The following CNKSR2 variants were observed in gnomAD, a reference collection of about 807,000 sequenced individuals.
The protein encoded by CNKSR2 is connector enhancer of kinase suppressor of Ras 2.
A neutral mutation model predicts 84.4 loss-of-function variants in CNKSR2; 14 were observed. The observed-to-expected ratio is 0.17, with a 90% confidence interval of 0.11 to 0.26. The LOEUF is 0.26. CNKSR2 is among the 10% of genes least tolerant of loss of function. The pLI, the probability that CNKSR2 is intolerant of heterozygous loss-of-function variation, is 1.00. For synonymous variants in CNKSR2, 275 were observed against 277.9 expected (o/e 0.99, Z 0.10); for missense variants, 485 against 771.2 (o/e 0.63, Z 4.40).
chrX:21,408,132 A>G (rs1321951181), intron 1 of CNKSR2, among the ~76,000 whole-genome samples: 1 of 111,941 alleles, frequency 8.9e-6, no homozygotes, highest in Non-Finnish European at 1.9e-5. Flanking sequence ...CATATACATT[A>G]ATTTAGAAAT....
chrX:21,444,495 T>G (rs977956134), intron 4 of CNKSR2, among the ~76,000 whole-genome samples: 1 of 111,278 alleles, frequency 9.0e-6, no homozygotes, highest in African/African-American at 3.3e-5. Context: ...CTGATATTAT[T>G]TTTCTTTTTC....
At position 21,622,525 on chromosome X, in the gene CNKSR2, T is replaced by G. The variant is rs765056980; in HGVS notation, c.2692+12908T>G. Reference sequence around the variant, plus strand: ...ACTTTCCATTTGTCTTTGTAAAGTTTTAAAATCATATCTTTAATAATCTAA... The same window carrying G: ...ACTTTCCATTTGTCTTTGTAAAGTTGTAAAATCATATCTTTAATAATCTAA... On this transcript the variant is annotated intron_variant, in intron 20 of 21. Transcript: ENST00000379510. Among the ~76,000 whole-genome samples the G allele has an allele frequency of 1.6e-4, 18 of 111,772 alleles. No homozygotes were observed. The East Asian group carries it at 4.8e-3, about 30-fold the overall frequency.
chrX:21,485,204 T>C lies in CNKSR2; in HGVS notation c.562-5255T>C, dbSNP rs751139822. Among the ~76,000 whole-genome samples, 6 of 111,230 alleles carry C rather than the reference T, an allele frequency of 5.4e-5. No individual in the cohort carries two copies. In the South Asian group the frequency reaches 2.3e-3, roughly 42 times the overall value. On this transcript the variant is annotated intron_variant, in intron 5 of 21. Coordinates refer to ENST00000379510, the MANE Select transcript of CNKSR2 (RefSeq NM_014927.5). Reference sequence around the variant, plus strand: ...TCTCAAAAAATAATAATAATAACAATAGTAGCTAAAACTTCATGTATTAAT... The same window carrying C: ...TCTCAAAAAATAATAATAATAACAACAGTAGCTAAAACTTCATGTATTAAT...
At chrX:21,449,729 C>T (rs2090902771) in intron 4 of CNKSR2, among the ~76,000 whole-genome samples, 1 of 111,690 alleles carries the variant, frequency 9.0e-6, no homozygotes, top group Non-Finnish European at 1.9e-5. Context: ...GTAGTCTCTT[C>T]TAGAAAATTG....
intron 17 of CNKSR2, among the ~76,000 whole-genome samples, chrX:21,598,552 G>A (rs2092463039): frequency 9.0e-6 from 1 of 111,568 alleles, no homozygotes; most frequent in African/African-American, 3.3e-5. Context: ...ACTGAATTTA[G>A]ACCTGCTATT....
chrX:21,426,194 C>A lies in CNKSR2; in HGVS notation c.65-303C>A, dbSNP rs777045238. ...ATAAATTTGAAAATAGGGGAACCTG[C>A]CTGTTGGCATACTTTATGAAATAGT... On this transcript the variant is annotated intron_variant, in intron 1 of 21. Coordinates refer to ENST00000379510, the MANE Select transcript of CNKSR2 (RefSeq NM_014927.5). The A allele has an allele frequency of 4.0e-5, 9 of 223,397 alleles. No homozygotes were observed. In the South Asian group the frequency reaches 1.4e-3, roughly 35 times the overall value. The allele number at this position is 223,397 out of a possible 1,213,427, so 18.4% of individuals were successfully genotyped here.
At chrX:21,640,664 C>T (rs1602066893) in intron 20 of CNKSR2, among the ~76,000 whole-genome samples, 1 of 111,667 alleles carries the variant, frequency 9.0e-6, no homozygotes, top group Admixed American at 9.6e-5. Context: ...CTCAATATGA[C>T]TCAAAAGATA....
chrX:21,512,924 T>G, intron 8 of CNKSR2, among the ~76,000 whole-genome samples: 1 of 112,308 alleles, frequency 8.9e-6, no homozygotes, highest in Non-Finnish European at 1.9e-5. Context: ...CTTACTATTT[T>G]TGTAATCTTG....
Position 21,403,102 on chromosome X carries a change from A to G in CNKSR2, c.65-23395A>G, listed in dbSNP as rs1275157545. On this transcript the variant is annotated intron_variant, in intron 1 of 21. Coordinates refer to ENST00000379510, the MANE Select transcript of CNKSR2 (RefSeq NM_014927.5). ...TAAAAATTGAAGCCACAAAAGTACT[A>G]AAAAACCCAAGATTTTTACATTGGT... Among the ~76,000 whole-genome samples, 5 of 111,205 alleles carry G rather than the reference A, an allele frequency of 4.5e-5. No homozygotes were observed. The East Asian group carries it at 1.1e-3, about 25-fold the overall frequency.
intron 20 of CNKSR2, among the ~76,000 whole-genome samples, chrX:21,635,454 A>G (rs2092667439): frequency 9.6e-6 from 1 of 104,051 alleles, no homozygotes; most frequent in South Asian, 4.0e-4. Flanking sequence ...ATATACACCT[A>G]TATATATGTA....
chrX:21,501,180 G>T (rs2091555420), intron 7 of CNKSR2, among the ~76,000 whole-genome samples: 1 of 110,704 alleles, frequency 9.0e-6, no homozygotes, highest in Non-Finnish European at 1.9e-5. Flanking sequence ...GTTTACAAAG[G>T]TTAATACCAA....
At chrX:21,414,041 A>T (rs2090382293) in intron 1 of CNKSR2, among the ~76,000 whole-genome samples, 1 of 111,475 alleles carries the variant, frequency 9.0e-6, no homozygotes, top group African/African-American at 3.3e-5. Flanking sequence ...CCCAGTGCAG[A>T]TATCTTACTG....
At chrX:21,395,597 G>A (rs1485877137) in intron 1 of CNKSR2, among the ~76,000 whole-genome samples, 1 of 110,341 alleles carries the variant, frequency 9.1e-6, no homozygotes, top group African/African-American at 3.3e-5. Flanking sequence ...TTCTGTCAGG[G>A]TTACCTATGG....
intron 8 of CNKSR2, among the ~76,000 whole-genome samples, chrX:21,502,938 A>G (rs375448863): frequency 3.6e-5 from 4 of 111,308 alleles, no homozygotes; most frequent in African/African-American, 1.3e-4. Flanking sequence ...CAGCTGCTTC[A>G]GTAGACGAGT....
intron 12 of CNKSR2, among the ~76,000 whole-genome samples, 190 bp from the exon 13 acceptor site, chrX:21,563,048 G>C (rs2092205902): frequency 1.8e-5 from 2 of 111,343 alleles, no homozygotes; most frequent in South Asian, 7.5e-4. Flanking sequence ...TATTTTATAA[G>C]TTAAATCAAG....
chrX:21,464,376 A>T lies in CNKSR2; in HGVS notation c.520-6390A>T, dbSNP rs2091100328. 2.7e-5 allele frequency among the ~76,000 whole-genome samples: 3 copies of T among 111,387 alleles called. No individual in the cohort carries two copies. The Admixed American group carries it at 2.9e-4, about 11-fold the overall frequency. Reference sequence around the variant, plus strand: ...TTGGCAATTGAAGACTGTTTTTCCTACCTCTTCTGTGCCTCTTTCAATGAT... The same window carrying T: ...TTGGCAATTGAAGACTGTTTTTCCTTCCTCTTCTGTGCCTCTTTCAATGAT... On this transcript the variant is annotated intron_variant, in intron 4 of 21. Coordinates refer to ENST00000379510, the MANE Select transcript of CNKSR2 (RefSeq NM_014927.5).
chrX:21,489,861 G>T (rs1345999186), intron 5 of CNKSR2, among the ~76,000 whole-genome samples: 2 of 111,531 alleles, frequency 1.8e-5, no homozygotes, highest in Admixed American at 1.9e-4. Flanking sequence ...AGTAGGGCAT[G>T]GTACCTGCCT....
chrX:21,406,734 G>A lies in CNKSR2; in HGVS notation c.65-19763G>A, dbSNP rs149118073. On this transcript the variant is annotated intron_variant, in intron 1 of 21. Coordinates refer to ENST00000379510, the MANE Select transcript of CNKSR2 (RefSeq NM_014927.5). ...TTCCTTTCTGTCAAGATCAGAAGAG[G>A]TAGGAGTAGGGGAGTCAATATCATG... Among the ~76,000 whole-genome samples the A allele has an allele frequency of 9.0e-3, 1,000 of 111,307 alleles. 4 individuals are homozygous for A. The highest frequency in any genetic ancestry group is 0.013 in the Non-Finnish European group (671 of 52,958).
At chrX:21,408,599 C>G (rs2090296512) in intron 1 of CNKSR2, among the ~76,000 whole-genome samples, 1 of 111,055 alleles carries the variant, frequency 9.0e-6, no homozygotes, top group Admixed American at 9.6e-5. Context: ...CCCCCAACCT[C>G]CACTCCACTC....
Sources: gnomAD v4.1 joint callset for allele counts (sites outside exome capture counted in the v4.1 genomes callset) on GRCh38, gnomAD v4.1.1 for gene constraint, MANE v1.5 for transcripts, NCBI Gene and HGNC (gene_info 2026-07-23, HGNC 2026-07-21) for gene names.